The following NFILZ variants were observed in gnomAD, a reference collection of about 807,000 sequenced individuals.
NFILZ encodes NFIL3 like basic leucine zipper, also known as NFIL3 like protein.
intron 3 of NFILZ, among the ~76,000 whole-genome samples, chr19:8,645,871 A>G (rs1234339095): frequency 2.0e-5 from 3 of 152,156 alleles, no homozygotes; most frequent in Non-Finnish European, 4.4e-5. Context: ...CTTTTCAGTT[A>G]TGTGGGTCCA....
chr19:8,661,217 C>G (rs139745096), intron 3 of NFILZ, among the ~76,000 whole-genome samples: 1,541 of 149,370 alleles, frequency 0.01, 26 homozygotes, highest in African/African-American at 0.036. Context: ...GGCTGCAGTG[C>G]AGTGATGCAA....
At chr19:8,657,487 C>T (rs1271360837) in intron 3 of NFILZ, among the ~76,000 whole-genome samples, 1 of 152,012 alleles carries the variant, frequency 6.6e-6, no homozygotes, top group Non-Finnish European at 1.5e-5. Context: ...GTTGCGGGGA[C>T]GTGACTGCTG....
chr19:8,675,619 T>C (rs1555750639), intron 4 of NFILZ, among the ~76,000 whole-genome samples: 2 of 152,134 alleles, frequency 1.3e-5, no homozygotes, highest in Non-Finnish European at 2.9e-5. Flanking sequence ...AATTTAAAAA[T>C]AGCTGAGCAT....
intron 3 of NFILZ, among the ~76,000 whole-genome samples, chr19:8,647,785 G>GCA (rs1166493706): frequency 9.5e-5 from 5 of 52,776 alleles, no homozygotes; most frequent in Admixed American, 5.5e-4. Flanking sequence ...ACATGCGCGC[G>GCA]CGCGCGCGCG....
chr19:8,652,302 A>G (rs1326310194), intron 3 of NFILZ, among the ~76,000 whole-genome samples: 1 of 151,910 alleles, frequency 6.6e-6, no homozygotes, highest in African/African-American at 2.4e-5. Flanking sequence ...ACGGGGTTTC[A>G]CCGTGTTAGC....
chr19:8,645,970 G>C (rs142177946), intron 3 of NFILZ, among the ~76,000 whole-genome samples: 1 of 152,186 alleles, frequency 6.6e-6, no homozygotes, highest in Non-Finnish European at 1.5e-5. Flanking sequence ...ACCACAATTA[G>C]TTTTGCACCA....
intron 3 of NFILZ, among the ~76,000 whole-genome samples, chr19:8,650,319 C>T (rs1285854873): frequency 1.3e-5 from 2 of 152,012 alleles, no homozygotes; most frequent in African/African-American, 4.8e-5. Context: ...TCAAGATCAG[C>T]ACATTGCATG....
At chr19:8,653,495 G>A (rs1414686385) in intron 3 of NFILZ, among the ~76,000 whole-genome samples, 2 of 152,140 alleles carry the variant, frequency 1.3e-5, no homozygotes, top group African/African-American at 2.4e-5. Context: ...CACCAGGAAC[G>A]CTGCTCGAAA....
Position 8,652,981 on chromosome 19 carries a change from TTCCTTCCTTC to T in NFILZ, c.-164+17236_-164+17245del, listed in dbSNP as rs2042972465. 1.8e-3 allele frequency among the ~76,000 whole-genome samples: 157 copies of T among 88,000 alleles called. 9 individuals carry two copies. The highest frequency in any genetic ancestry group is 0.012 in the East Asian group (27 of 2,272). 57.7% of individuals were successfully genotyped at this position (88,000 alleles called of 152,430 possible). A position where few individuals can be genotyped will look rare whatever the true frequency, so the allele number is the denominator to read the frequency against. On this transcript the variant is annotated intron_variant, in intron 3 of 5. Coordinates refer to ENST00000691075, the MANE Select transcript of NFILZ (RefSeq NM_001378600.1). ...TTCCCTTCCTTCCCTCCTTCCTTCC[TTCCTTCCTTC>T]CTTCCTTCCTTCCTTCCTTCCTTTC...
At chr19:8,631,069 TC>T (rs2042867503) in intron 1 of NFILZ, among the ~76,000 whole-genome samples, 2 of 152,216 alleles carry the variant, frequency 1.3e-5, no homozygotes, top group African/African-American at 4.8e-5. Flanking sequence ...CACAGCTTTC[TC>T]AAACTTACTT....
chr19:8,670,824 G>A (rs921684305), intron 3 of NFILZ, among the ~76,000 whole-genome samples: 4 of 152,010 alleles, frequency 2.6e-5, no homozygotes, highest in Non-Finnish European at 4.4e-5. Context: ...GCAAAACCCC[G>A]TCTGTACTAA....
intron 3 of NFILZ, among the ~76,000 whole-genome samples, chr19:8,637,383 A>C (rs1346428742): frequency 2.6e-5 from 4 of 151,844 alleles, no homozygotes; most frequent in African/African-American, 9.7e-5. Flanking sequence ...TTACCATAGA[A>C]CTCAGCAACT....
At chr19:8,674,475 T>C (rs1292550168) in intron 3 of NFILZ, among the ~76,000 whole-genome samples, 76 bp from the exon 4 acceptor site, 2 of 151,870 alleles carry the variant, frequency 1.3e-5, no homozygotes, top group East Asian at 3.9e-4. Context: ...TTGTGAAGTA[T>C]AGTAAGCATT....
chr19:8,669,164 C>T (rs1378808225), intron 3 of NFILZ, among the ~76,000 whole-genome samples: 5 of 152,140 alleles, frequency 3.3e-5, no homozygotes, highest in African/African-American at 9.7e-5. Flanking sequence ...AGGCTGGTCT[C>T]GAACTTCCCA....
In NFILZ at chr19:8,642,557, G is replaced by C. The variant is rs189797658; in HGVS notation, c.-164+6811G>C. ...GTGGCTACAGTTAGCTGGTGGGTTG[G>C]CTGGGGCTGACTACCTTGGATTGCT... On this transcript the variant is annotated intron_variant, in intron 3 of 5. Coordinates refer to ENST00000691075, the MANE Select transcript of NFILZ (RefSeq NM_001378600.1). 1.8e-4 allele frequency among the ~76,000 whole-genome samples: 27 copies of C among 152,136 alleles called. 1 individual carries two copies. The highest frequency in any genetic ancestry group is 1.6e-3 in the Admixed American group (25 of 15,264).
chr19:8,680,025 G>A lies in NFILZ; in HGVS notation c.*2390G>A, dbSNP rs782804508. 2.0e-5 allele frequency among the ~76,000 whole-genome samples: 3 copies of A among 151,672 alleles called. No homozygotes were observed. The highest frequency in any genetic ancestry group is 4.4e-5 in the Non-Finnish European group (3 of 67,926). ...AGCCTGGCCAACATGATGAAGCCCC[G>A]TCTCTAGTAAAAATACAAAAATTAG... On this transcript the variant is annotated 3_prime_UTR_variant, in exon 6 of 6. Transcript: ENST00000691075.
chr19:8,674,803 A>G (rs1462080807), intron 4 of NFILZ, among the ~76,000 whole-genome samples: 4 of 152,180 alleles, frequency 2.6e-5, no homozygotes, highest in Non-Finnish European at 5.9e-5. Flanking sequence ...ACCATGTAGC[A>G]ACAGAAACTA....
In NFILZ at chr19:8,656,399, CA is replaced by C. The variant is rs1600147550; in HGVS notation, c.-163-18151del. 7.2e-5 allele frequency among the ~76,000 whole-genome samples: 10 copies of C among 138,278 alleles called. 3 individuals are homozygous for C. The highest frequency in any genetic ancestry group is 2.2e-4 in the Admixed American group (3 of 13,922). The allele number at this position is 138,278 out of a possible 152,430, so 90.7% of individuals were successfully genotyped here. A position where few individuals can be genotyped will look rare whatever the true frequency, so the allele number is the denominator to read the frequency against. ...CTGAAGCCCACCTTCTCCCGCAGCC[CA>C]CCTTCTCTCTGAAACCCACCTCTTT... On this transcript the variant is annotated intron_variant, in intron 3 of 5. Transcript: ENST00000691075.
rs781835085 is a variant in NFILZ at position 8,630,718 on chromosome 19, C to G, written c.-437C>G. ...GGGCTTGGGTGGAAGACTGGAGAGCCAGGAGGAGCAAGGAGCAGGAAGCAA... is the reference window on the plus strand; with the variant it reads ...GGGCTTGGGTGGAAGACTGGAGAGCGAGGAGGAGCAAGGAGCAGGAAGCAA... On this transcript the variant is annotated 5_prime_UTR_variant, in exon 1 of 6. Coordinates refer to ENST00000691075, the MANE Select transcript of NFILZ (RefSeq NM_001378600.1). 1 of 152,468 alleles carries G rather than the reference C, an allele frequency of 6.6e-6. No homozygotes were observed. Among genetic ancestry groups the G allele is most frequent in the Non-Finnish European group, 1.5e-5 (1 of 68,250 alleles). The allele number at this position is 152,468 out of a possible 1,614,324, so 9.4% of individuals were successfully genotyped here. A position where few individuals can be genotyped will look rare whatever the true frequency, so the allele number is the denominator to read the frequency against.
Sources: allele counts gnomAD v4.1 joint callset (sites outside exome capture counted in the v4.1 genomes callset), GRCh38; gene constraint gnomAD v4.1.1; transcripts MANE v1.5; gene names NCBI Gene and HGNC (gene_info 2026-07-23, HGNC 2026-07-21).